RAPGEF6: variants seen among roughly 807,000 people sequenced by gnomAD.
The protein encoded by RAPGEF6 is Rap guanine nucleotide exchange factor 6.
In RAPGEF6, 56 loss-of-function variants were observed where a neutral mutation model predicts 171.4. The ratio of observed to expected loss-of-function variants is 0.33; its 90% CI spans 0.26 to 0.41. The LOEUF (loss-of-function observed/expected upper bound fraction) is 0.41, where lower values mean the gene tolerates loss of function less well. RAPGEF6 is among the 10% of genes least tolerant of loss of function. The pLI is 1.00. For synonymous variants in RAPGEF6, 692 were observed against 650.1 expected (o/e 1.06, Z -0.98); for missense variants, 1,674 against 1,921.4 (o/e 0.87, Z 2.41).
intron 15 of RAPGEF6, among the ~76,000 whole-genome samples, chr5:131,480,131 T>C (rs768094909): frequency 6.6e-6 from 1 of 152,232 alleles, no homozygotes; most frequent in Non-Finnish European, 1.5e-5. Flanking sequence ...TTATGTTATT[T>C]CTTATAATAC....
At chr5:131,482,710 TAC>T (rs1480765897) in intron 15 of RAPGEF6, among the ~76,000 whole-genome samples, 1 of 152,212 alleles carries the variant, frequency 6.6e-6, no homozygotes, top group Non-Finnish European at 1.5e-5. Flanking sequence ...TTGTGGAACT[TAC>T]AGTCAGTCTA....
chr5:131,436,620 TAAA>T (rs535600377), intron 24 of RAPGEF6, among the ~76,000 whole-genome samples: 2,812 of 94,888 alleles, frequency 0.03, 88 homozygotes, highest in African/African-American at 0.17. Context: ...GTGATAAAAA[TAAA>T]AACAAAAACA....
Position 131,442,646 on chromosome 5 carries a change from T to C in RAPGEF6, c.3422-109A>G, listed in dbSNP as rs916075669. 8 of 1,428,478 alleles carry C rather than the reference T, an allele frequency of 5.6e-6. No individual in the cohort carries two copies. The Admixed American group carries it at 2.2e-4, about 39-fold the overall frequency. The allele number at this position is 1,428,478 out of a possible 1,614,324, so 88.5% of individuals were successfully genotyped here. ...AACCATCTATTTTTAGCACAAAAGA[T>C]AAAATAGATTAATTTTTCTTAGCAG... On this transcript the variant is annotated intron_variant, in intron 22 of 27. Transcript: ENST00000509018.
chr5:131,441,097 T>G (rs372179065), intron 23 of RAPGEF6, among the ~76,000 whole-genome samples: 4 of 152,224 alleles, frequency 2.6e-5, no homozygotes, highest in Non-Finnish European at 5.9e-5. Flanking sequence ...ACTTTTTCCT[T>G]TGGCATGGCA....
chr5:131,441,262 T>A (rs1220044042), intron 23 of RAPGEF6, among the ~76,000 whole-genome samples: 1 of 152,218 alleles, frequency 6.6e-6, no homozygotes, highest in African/African-American at 2.4e-5. Flanking sequence ...CTTGTGGCAT[T>A]ACTATGAAGA....
At chr5:131,623,477 CTTTTTT>C (rs763921579) in intron 1 of RAPGEF6, among the ~76,000 whole-genome samples, 19 of 114,184 alleles carry the variant, frequency 1.7e-4, no homozygotes, top group South Asian at 5.8e-4. Flanking sequence ...TTTCACATTG[CTTTTTT>C]TTTTTTTTTT....
chr5:131,531,657 A>G (rs1331618349), intron 6 of RAPGEF6, among the ~76,000 whole-genome samples: 1 of 152,194 alleles, frequency 6.6e-6, no homozygotes, highest in Non-Finnish European at 1.5e-5. Flanking sequence ...TAATCTTTGT[A>G]AAATAGCACA....
At chr5:131,628,612 CAGA>C (rs1271811738) in intron 1 of RAPGEF6, among the ~76,000 whole-genome samples, 4 of 152,140 alleles carry the variant, frequency 2.6e-5, no homozygotes, top group South Asian at 2.1e-4. Flanking sequence ...AGCCTTATAT[CAGA>C]AGAAGATGCC....
At chr5:131,548,926 T>C (rs1316212625) in intron 5 of RAPGEF6, among the ~76,000 whole-genome samples, 2 of 152,150 alleles carry the variant, frequency 1.3e-5, no homozygotes, top group African/African-American at 2.4e-5. Flanking sequence ...AAGCCAGGCA[T>C]GGTGGTGTGC....
chr5:131,453,887 A>G (rs1425860707), intron 20 of RAPGEF6, among the ~76,000 whole-genome samples: 1 of 152,254 alleles, frequency 6.6e-6, no homozygotes, highest in Non-Finnish European at 1.5e-5. Context: ...CATGTCAGAA[A>G]AACATATCTG....
At chr5:131,588,612 G>A (rs191165166) in intron 4 of RAPGEF6, among the ~76,000 whole-genome samples, 131 of 151,542 alleles carry the variant, frequency 8.6e-4, no homozygotes, top group African/African-American at 3.1e-3. Context: ...GTGTGGTGGT[G>A]CACACCTACA....
At chr5:131,563,465 T>G (rs762150210) in intron 4 of RAPGEF6, among the ~76,000 whole-genome samples, 3 of 152,076 alleles carry the variant, frequency 2.0e-5, no homozygotes, top group East Asian at 3.9e-4. Flanking sequence ...CTAATCAAAA[T>G]CCAAACAAAA....
At chr5:131,542,617 C>T (rs1760228042) in intron 6 of RAPGEF6, among the ~76,000 whole-genome samples, 2 of 152,154 alleles carry the variant, frequency 1.3e-5, no homozygotes, top group East Asian at 1.9e-4. Context: ...TGTAATTATA[C>T]TCAGCATAAT....
chr5:131,587,155 T>C (rs1763300684), intron 4 of RAPGEF6, among the ~76,000 whole-genome samples: 2 of 152,212 alleles, frequency 1.3e-5, no homozygotes, highest in Admixed American at 1.3e-4. Flanking sequence ...TCTGTGAGCC[T>C]AGTATTTCAT....
chr5:131,506,326 C>T (rs1054730278), intron 9 of RAPGEF6, among the ~76,000 whole-genome samples: 1 of 152,116 alleles, frequency 6.6e-6, no homozygotes, highest in Admixed American at 6.6e-5. Context: ...TTAATAGAGA[C>T]AGGTCTTGCT....
At chr5:131,494,502 T>G (rs888924313) in intron 13 of RAPGEF6, among the ~76,000 whole-genome samples, 12 of 152,040 alleles carry the variant, frequency 7.9e-5, no homozygotes, top group Non-Finnish European at 1.6e-4. Flanking sequence ...TTTCAATAGG[T>G]GAGGAAAAGA....
rs1209770952 is a variant in RAPGEF6, at chr5:131,514,433, G to GT, written c.628-3943dup. Reference sequence around the variant, plus strand: ...TAATTAGGTAAGAATTTTTTTCAACGTAATATCCACAATGTTCAGCATACA... The same window carrying GT: ...TAATTAGGTAAGAATTTTTTTCAACGTTAATATCCACAATGTTCAGCATACA... On this transcript the variant is annotated intron_variant, in intron 7 of 27. Coordinates refer to ENST00000509018, the MANE Select transcript of RAPGEF6 (RefSeq NM_016340.6). Among the ~76,000 whole-genome samples, 3 of 151,916 alleles carry GT rather than the reference G, an allele frequency of 2.0e-5. No individual in the cohort carries two copies. The East Asian group carries it at 5.8e-4, about 29-fold the overall frequency.
intron 5 of RAPGEF6, among the ~76,000 whole-genome samples, chr5:131,551,362 A>C (rs1184798246): frequency 6.6e-6 from 1 of 151,968 alleles, no homozygotes; most frequent in Non-Finnish European, 1.5e-5. Context: ...AAACTACAAA[A>C]ATTAGCCAGG....
chr5:131,595,318 T>TTC, intron 3 of RAPGEF6, among the ~76,000 whole-genome samples: 1 of 152,286 alleles, frequency 6.6e-6, no homozygotes, highest in East Asian at 1.9e-4. Context: ...GAGTGCTTGT[T>TTC]TCCCCTTCAC....
Sources: allele counts gnomAD v4.1 joint callset (sites outside exome capture counted in the v4.1 genomes callset), GRCh38; gene constraint gnomAD v4.1.1; transcripts MANE v1.5; gene names NCBI Gene and HGNC (gene_info 2026-07-23, HGNC 2026-07-21).